PRR5: variants seen among roughly 807,000 people sequenced by gnomAD.
PRR5 encodes the protein proline rich 5, also known as proline-rich protein 5.
PRR5 carries 25 observed loss-of-function variants against 30.6 expected under a neutral mutation model. The observed-to-expected ratio is 0.82, with a 90% CI of 0.60 to 1.14. The LOEUF is 1.14. PRR5 is among the 50% of genes most tolerant of loss of function. The pLI is 0.00. For synonymous variants in PRR5, 286 were observed against 247.1 expected (o/e 1.16, Z -1.48); for missense variants, 600 against 547.1 (o/e 1.10, Z -0.96).
At chr22:44,714,813 G>C in intron 2 of PRR5, 142 bp downstream of exon 2, 1 of 1,181,934 alleles carries the variant, frequency 8.5e-7, no homozygotes. Flanking sequence ...ACAGGAGAGC[G>C]AGGCCCAAGT....
At chr22:44,673,351 G>A (rs1035298762), upstream of PRR5, among the ~76,000 whole-genome samples, 7 of 152,242 alleles carry the variant, frequency 4.6e-5, no homozygotes, top group Non-Finnish European at 7.3e-5. Context: ...GTGAGTAGGC[G>A]AAAGCTGCCA....
At chr22:44,710,921 C>A (rs1382592393) in intron 1 of PRR5, among the ~76,000 whole-genome samples, 1 of 152,174 alleles carries the variant, frequency 6.6e-6, no homozygotes, top group Non-Finnish European at 1.5e-5. Context: ...GACCTTACAG[C>A]ACCCCGGGCG....
At chr22:44,718,665 C>T (rs1428061220) in intron 2 of PRR5, among the ~76,000 whole-genome samples, 1 of 152,218 alleles carries the variant, frequency 6.6e-6, no homozygotes, top group Non-Finnish European at 1.5e-5. Context: ...CACATTCTCA[C>T]CAACACATGT....
At chr22:44,685,731 C>T (rs991181270) in intron 1 of PRR5, among the ~76,000 whole-genome samples, 1 of 152,264 alleles carries the variant, frequency 6.6e-6, no homozygotes, top group African/African-American at 2.4e-5. Context: ...CATGCCCAGG[C>T]ACATGCTGGA....
intron 1 of PRR5, among the ~76,000 whole-genome samples, chr22:44,710,040 C>T (rs775110108): frequency 7.2e-5 from 11 of 152,170 alleles, no homozygotes; most frequent in South Asian, 2.1e-4. Flanking sequence ...CCTCCCAACC[C>T]GGCCTCATGC....
intron 4 of PRR5, chr22:44,730,164 A>C: frequency 1.0e-6 from 1 of 985,142 alleles, no homozygotes; most frequent in Non-Finnish European, 1.2e-6. Flanking sequence ...GGCTTCCGGG[A>C]GTGGGGGCAG....
At chr22:44,710,085 G>A (rs994464672) in intron 1 of PRR5, among the ~76,000 whole-genome samples, 4 of 152,064 alleles carry the variant, frequency 2.6e-5, no homozygotes, top group Admixed American at 6.5e-5. Flanking sequence ...GATGTGAGGC[G>A]GGTAGGCAAG....
At chr22:44,704,933 G>A (rs1218440961) in intron 1 of PRR5, among the ~76,000 whole-genome samples, 5 of 152,218 alleles carry the variant, frequency 3.3e-5, no homozygotes, top group Admixed American at 2.0e-4. Flanking sequence ...CTGTCTGCAT[G>A]CTCCTGCTCC....
intron 1 of PRR5, among the ~76,000 whole-genome samples, chr22:44,708,432 A>G (rs1033560564): frequency 4.6e-5 from 7 of 152,216 alleles, no homozygotes; most frequent in African/African-American, 1.7e-4. Context: ...AGGGCCCTAA[A>G]GGACCTTGTC....
chr22:44,679,592 G>A (rs374584630), intron 1 of PRR5: 32 of 455,440 alleles, frequency 7.0e-5, no homozygotes, highest in South Asian at 4.6e-4. Flanking sequence ...CTGTAATCCC[G>A]GCTACTCGGG....
intron 1 of PRR5, among the ~76,000 whole-genome samples, chr22:44,677,659 A>G (rs1375672410): frequency 6.6e-6 from 1 of 152,150 alleles, no homozygotes; most frequent in Non-Finnish European, 1.5e-5. Context: ...AGCGGGGGAC[A>G]TGTCAGATGG....
chr22:44,732,071 C>A (rs930283076), intron 5 of PRR5, among the ~76,000 whole-genome samples, 180 bp from the exon 6 acceptor site: 1 of 152,256 alleles, frequency 6.6e-6, no homozygotes, highest in African/African-American at 2.4e-5. Context: ...GTAACCCTTT[C>A]ACTGCCAGAG....
chr22:44,732,532 G>A lies in PRR5; in HGVS notation c.555+141G>A. 15 of 1,325,846 alleles carry A rather than the reference G, an allele frequency of 1.1e-5. No individual in the cohort carries two copies. In the South Asian group the frequency reaches 1.9e-4, roughly 17 times the overall value. 82.1% of individuals were successfully genotyped at this position (1,325,846 alleles called of 1,614,324 possible). A position where few individuals can be genotyped will look rare whatever the true frequency, so the allele number is the denominator to read the frequency against. Reference sequence around the variant, plus strand: ...CCGATCAGAGGAGAAGCCTGTCAGGGCCAGGGACCGGGGAGCAGCTGGTCA... The same window carrying A: ...CCGATCAGAGGAGAAGCCTGTCAGGACCAGGGACCGGGGAGCAGCTGGTCA... On this transcript the variant is annotated intron_variant, in intron 6 of 7. Coordinates refer to ENST00000336985, the MANE Select transcript of PRR5 (RefSeq NM_181333.4).
upstream of PRR5, among the ~76,000 whole-genome samples, chr22:44,672,481 G>C (rs958478282): frequency 1.3e-5 from 2 of 152,196 alleles, no homozygotes; most frequent in African/African-American, 4.8e-5. Flanking sequence ...CTACTCGGGA[G>C]GCTGAGACAG....
upstream of PRR5, among the ~76,000 whole-genome samples, chr22:44,676,531 C>G (rs1415583783): frequency 6.6e-6 from 1 of 152,000 alleles, no homozygotes; most frequent in Non-Finnish European, 1.5e-5. Flanking sequence ...GGAATGCTTC[C>G]TAAAGGAGGC....
intron 1 of PRR5, among the ~76,000 whole-genome samples, chr22:44,680,808 C>T (rs961345758): frequency 3.3e-5 from 5 of 152,192 alleles, no homozygotes; most frequent in Non-Finnish European, 7.4e-5. Context: ...TCCCCAAGAA[C>T]TCAAGGTGAC....
At chr22:44,724,749 A>T (rs900696107) in intron 2 of PRR5, among the ~76,000 whole-genome samples, 4 of 152,190 alleles carry the variant, frequency 2.6e-5, no homozygotes, top group Non-Finnish European at 2.9e-5. Context: ...CCCCTGTAAT[A>T]AAAGGGGAAC....
intron 1 of PRR5, chr22:44,679,630 C>A (rs1924081661): frequency 1.8e-6 from 1 of 555,534 alleles, no homozygotes; most frequent in African/African-American, 1.9e-5. Flanking sequence ...GCACTTGAAC[C>A]CAGGAGGCGC....
intron 1 of PRR5, among the ~76,000 whole-genome samples, chr22:44,713,346 C>G (rs1383232997): frequency 6.6e-6 from 1 of 152,266 alleles, no homozygotes; most frequent in Non-Finnish European, 1.5e-5. Context: ...ATTCGCCCAC[C>G]TCAGCCTCCC....
Sources: gnomAD v4.1 joint callset for allele counts (sites outside exome capture counted in the v4.1 genomes callset) on GRCh38, gnomAD v4.1.1 for gene constraint, MANE v1.5 for transcripts, NCBI Gene and HGNC (gene_info 2026-07-23, HGNC 2026-07-21) for gene names.